The following AOPEP variants were observed in gnomAD, a reference collection of about 807,000 sequenced individuals.
AOPEP encodes aminopeptidase O (putative), also known as aminopeptidase O.
In AOPEP, 77 loss-of-function variants were observed where a neutral mutation model predicts 98.1. The observed-to-expected ratio is 0.78, with a 90% CI of 0.65 to 0.95. The LOEUF (loss-of-function observed/expected upper bound fraction) is 0.95, where lower values mean the gene tolerates loss of function less well. Among genes scored for constraint, AOPEP ranks in the 40% least tolerant of loss-of-function variants. The pLI, the probability that AOPEP is intolerant of heterozygous loss-of-function variation, is 0.00. For missense variants in AOPEP, 1,024 were observed against 1,024.7 expected, an observed-to-expected ratio of 1.00 and a Z score of 0.01; for synonymous variants, 346 against 365.3, an observed-to-expected ratio of 0.95 and a Z score of 0.60.
At chr9:94,801,081 G>GAA (rs1848122112) in intron 5 of AOPEP, 79 bp downstream of exon 5, 2 of 1,495,474 alleles carry the variant, frequency 1.3e-6, no homozygotes, top group African/African-American at 2.8e-5. Context: ...CTTGAGCTCT[G>GAA]TCAGAGCAGT....
chr9:94,940,102 G>A lies in AOPEP; in HGVS notation c.1661+11571G>A, dbSNP rs75136533. On this transcript the variant is annotated intron_variant, in intron 7 of 16. Coordinates refer to ENST00000375315, the MANE Select transcript of AOPEP (RefSeq NM_001193329.3). ...AATATTTTGGATAAAGGATACTCAAGCTTTACACACATTTGCTGTGTGGCC... is the reference window on the plus strand; with the variant it reads ...AATATTTTGGATAAAGGATACTCAAACTTTACACACATTTGCTGTGTGGCC... Among the ~76,000 whole-genome samples the A allele has an allele frequency of 6.8e-3, 1,036 of 152,326 alleles. 10 individuals carry two copies. The highest frequency in any genetic ancestry group is 0.024 in the African/African-American group (986 of 41,558).
In AOPEP at chr9:95,080,960, A is replaced by G. The variant is rs542684601; in HGVS notation, c.2319+180A>G. On this transcript the variant is annotated intron_variant, in intron 15 of 16. Coordinates refer to ENST00000375315, the MANE Select transcript of AOPEP (RefSeq NM_001193329.3). ...TCTGAGCTGCTTTTTTCCTCTCTCA[A>G]TGTCTTTGAAGGATTGAGTTGAGCA... The G allele has an allele frequency of 5.7e-4, 345 of 602,552 alleles. 2 individuals are homozygous for G. Among genetic ancestry groups the G allele is most frequent in the South Asian group, 2.3e-3 (114 of 49,040 alleles). The allele number at this position is 602,552 out of a possible 1,614,324, so 37.3% of individuals were successfully genotyped here. A position where few individuals can be genotyped will look rare whatever the true frequency, so the allele number is the denominator to read the frequency against.
At chr9:95,014,158 A>G (rs2062792171) in intron 13 of AOPEP, among the ~76,000 whole-genome samples, 1 of 152,072 alleles carries the variant, frequency 6.6e-6, no homozygotes, top group Admixed American at 6.5e-5. Flanking sequence ...ACATGGCAAA[A>G]CCTTATCTCT....
At chr9:95,085,879 G>C in intron 16 of AOPEP, 1 of 1,192,944 alleles carries the variant, frequency 8.4e-7, no homozygotes, top group South Asian at 1.6e-5. Context: ...CGGGGCTTTC[G>C]GAGGAGCTCC....
At chr9:94,745,363 C>T (rs1745629051) in intron 1 of AOPEP, among the ~76,000 whole-genome samples, 1 of 151,916 alleles carries the variant, frequency 6.6e-6, no homozygotes, top group South Asian at 2.1e-4. Flanking sequence ...GCAAGCTCCG[C>T]CTCCTGGGTC....
intron 5 of AOPEP, among the ~76,000 whole-genome samples, chr9:94,832,724 A>C (rs1345436376): frequency 6.6e-6 from 1 of 152,220 alleles, no homozygotes; most frequent in Non-Finnish European, 1.5e-5. Context: ...GGTAATCTTC[A>C]GGATGTCTTG....
intron 10 of AOPEP, among the ~76,000 whole-genome samples, chr9:94,971,018 A>G (rs1244187538): frequency 6.6e-6 from 1 of 152,200 alleles, no homozygotes; most frequent in Non-Finnish European, 1.5e-5. Context: ...CTGAAGCAAT[A>G]AAGTGCATTT....
intron 5 of AOPEP, among the ~76,000 whole-genome samples, chr9:94,855,235 G>A (rs1588558691): frequency 6.6e-6 from 1 of 151,422 alleles, no homozygotes; most frequent in Admixed American, 6.6e-5. Flanking sequence ...GTGCCACCAC[G>A]CCTGGCTAAT....
At chr9:94,879,110 C>T (rs1426311666) in intron 5 of AOPEP, among the ~76,000 whole-genome samples, 1 of 152,172 alleles carries the variant, frequency 6.6e-6, no homozygotes, top group African/African-American at 2.4e-5. Flanking sequence ...ATATCTCAAG[C>T]ACTGATCTTA....
the AOPEP span, chr9:95,126,750 A>T: frequency 3.0e-6 from 2 of 673,480 alleles, no homozygotes; most frequent in African/African-American, 3.6e-5. Context: ...CCCACATACA[A>T]GTGCATACGG....
chr9:94,815,485 C>T (rs1851506769), intron 5 of AOPEP, among the ~76,000 whole-genome samples: 1 of 152,118 alleles, frequency 6.6e-6, no homozygotes, highest in South Asian at 2.1e-4. Flanking sequence ...TTATGATGAC[C>T]AGGCCTTTTA....
At chr9:94,773,834 C>T (rs1432238625) in intron 3 of AOPEP, among the ~76,000 whole-genome samples, 4 of 152,120 alleles carry the variant, frequency 2.6e-5, no homozygotes, top group Admixed American at 6.5e-5. Context: ...GGCTTGATAA[C>T]GGCTCACCGT....
At chr9:94,737,331 A>G (rs946169618) in intron 1 of AOPEP, among the ~76,000 whole-genome samples, 3 of 152,052 alleles carry the variant, frequency 2.0e-5, no homozygotes, top group Non-Finnish European at 2.9e-5. Flanking sequence ...GCTGGTTTCA[A>G]ACTCCTGGCC....
At chr9:94,960,370 C>T (rs1208683119) in intron 9 of AOPEP, among the ~76,000 whole-genome samples, 1 of 150,210 alleles carries the variant, frequency 6.7e-6, no homozygotes, top group East Asian at 2.0e-4. Flanking sequence ...GAGATCACGC[C>T]ACTGCACTCC....
the AOPEP span, among the ~76,000 whole-genome samples, chr9:95,131,372 G>T: frequency 6.6e-6 from 1 of 152,118 alleles, no homozygotes; most frequent in Non-Finnish European, 1.5e-5. Flanking sequence ...AGCCTGAGTG[G>T]CAATGACCCC....
chr9:95,120,536 C>A, the AOPEP span, among the ~76,000 whole-genome samples: 36 of 152,110 alleles, frequency 2.4e-4, no homozygotes, highest in Middle Eastern at 3.4e-3. Context: ...CACTTCACCC[C>A]CCGAGTAGCC....
At chr9:94,771,280 A>G (rs1588133043) in intron 2 of AOPEP, among the ~76,000 whole-genome samples, 1 of 152,110 alleles carries the variant, frequency 6.6e-6, no homozygotes, top group African/African-American at 2.4e-5. Context: ...ATTGAACAGA[A>G]CAGACAATAG....
At chr9:94,906,818 T>G (rs1037304244) in intron 5 of AOPEP, among the ~76,000 whole-genome samples, 2 of 152,190 alleles carry the variant, frequency 1.3e-5, no homozygotes, top group Non-Finnish European at 2.9e-5. Flanking sequence ...AGTTAATATT[T>G]GCTGAATCAA....
At chr9:94,729,839 G>T (rs2131634334) in intron 1 of AOPEP, among the ~76,000 whole-genome samples, 1 of 152,282 alleles carries the variant, frequency 6.6e-6, no homozygotes, top group South Asian at 2.1e-4. Flanking sequence ...GAAGCAGATG[G>T]ATTGGAGAAA....
Sources: allele counts gnomAD v4.1 joint callset (sites outside exome capture counted in the v4.1 genomes callset), GRCh38; gene constraint gnomAD v4.1.1; transcripts MANE v1.5; gene names NCBI Gene and HGNC (gene_info 2026-07-23, HGNC 2026-07-21).